The following SAMD5 variants were observed in gnomAD, a reference collection of about 807,000 sequenced individuals.
The protein encoded by SAMD5 is sterile alpha motif domain containing 5.
A neutral mutation model predicts 11.3 loss-of-function variants in SAMD5; 13 were observed. The ratio of observed to expected loss-of-function variants is 1.15; its 90% CI spans 0.75 to 1.83. The LOEUF is 1.83. SAMD5 is among the 40% of genes most tolerant of loss of function. SAMD5 has a pLI of 0.00. For synonymous variants in SAMD5, 129 were observed against 111.3 expected (o/e 1.16, Z -1.00); for missense variants, 255 against 239.1 (o/e 1.07, Z -0.44).
At chr6:147,536,623 G>C (rs1788513559) in intron 1 of SAMD5, among the ~76,000 whole-genome samples, 1 of 151,846 alleles carries the variant, frequency 6.6e-6, no homozygotes, top group African/African-American at 2.4e-5. Context: ...CTTTTGAAAA[G>C]GACCAAAGCA....
intron 1 of SAMD5, among the ~76,000 whole-genome samples, chr6:147,522,371 C>T (rs1788267693): frequency 6.6e-6 from 1 of 152,078 alleles, no homozygotes; most frequent in Non-Finnish European, 1.5e-5. Context: ...AGGAAAACAT[C>T]CTTCTTTTCC....
the SAMD5 span, among the ~76,000 whole-genome samples, chr6:147,898,611 ATAT>A: frequency 2.4e-4 from 37 of 152,320 alleles, no homozygotes; most frequent in African/African-American, 8.7e-4. Flanking sequence ...GACTCAGGAA[ATAT>A]TATCTCCAAG....
chr6:147,644,439 T>C (rs1790366944), intron 1 of SAMD5, among the ~76,000 whole-genome samples: 1 of 152,236 alleles, frequency 6.6e-6, no homozygotes, highest in African/African-American at 2.4e-5. Context: ...ATTCTTATAC[T>C]GTTTTGTGTT....
chr6:147,709,672 C>T (rs368185253), intron 1 of SAMD5, among the ~76,000 whole-genome samples: 16 of 152,130 alleles, frequency 1.1e-4, no homozygotes, highest in African/African-American at 3.6e-4. Context: ...GGTATTCACT[C>T]GTGCTTATAA....
chr6:147,741,264 C>G (rs2282605), downstream of SAMD5, among the ~76,000 whole-genome samples: 1 of 151,842 alleles, frequency 6.6e-6, no homozygotes, highest in Non-Finnish European at 1.5e-5. Context: ...GTCTCCAGAC[C>G]GTGCCAAGTT....
the SAMD5 span, among the ~76,000 whole-genome samples, chr6:147,859,147 C>T: frequency 1.3e-5 from 2 of 152,118 alleles, no homozygotes; most frequent in African/African-American, 4.8e-5. Flanking sequence ...CGGAGATGGG[C>T]ATTCCCCCAG....
intron 1 of SAMD5, among the ~76,000 whole-genome samples, chr6:147,729,525 C>T (rs192496440): frequency 3.3e-5 from 5 of 152,004 alleles, no homozygotes; most frequent in South Asian, 4.2e-4. Context: ...TTATGAATCT[C>T]GAAATCTGGA....
the SAMD5 span, among the ~76,000 whole-genome samples, chr6:147,830,838 C>T: frequency 2.0e-5 from 3 of 152,282 alleles, no homozygotes; most frequent in Admixed American, 6.5e-5. Flanking sequence ...ACCATACTAG[C>T]AGTCACTGGG....
chr6:147,552,969 A>G (rs1788797895), intron 1 of SAMD5, among the ~76,000 whole-genome samples: 1 of 152,234 alleles, frequency 6.6e-6, no homozygotes, highest in South Asian at 2.1e-4. Context: ...TTTTTGTTCT[A>G]AAGATGTGTC....
chr6:147,631,726 A>G (rs1562338318), intron 1 of SAMD5, among the ~76,000 whole-genome samples: 3 of 152,190 alleles, frequency 2.0e-5, no homozygotes, highest in Admixed American at 6.6e-5. Flanking sequence ...TTCCTGACTC[A>G]GGGCATGTGA....
intron 1 of SAMD5, among the ~76,000 whole-genome samples, chr6:147,685,968 A>T (rs11155524): frequency 0.44 from 66,894 of 152,046 alleles, 15,883 homozygotes; most frequent in Admixed American, 0.54. Context: ...TTTTTGTTTC[A>T]TACAATTATA....
At chr6:147,610,103 A>T (rs13218936) in intron 1 of SAMD5, among the ~76,000 whole-genome samples, 13,155 of 152,192 alleles carry the variant, frequency 0.086, 875 homozygotes, top group East Asian at 0.32. Flanking sequence ...CTCACTTATG[A>T]GATACTTTCC....
chr6:147,683,625 G>A (rs954415865), intron 1 of SAMD5, among the ~76,000 whole-genome samples: 3 of 152,068 alleles, frequency 2.0e-5, no homozygotes, highest in South Asian at 2.1e-4. Flanking sequence ...TCCTTGCAAG[G>A]TGCATGGAAG....
At chr6:147,607,076 T>C (rs1314752204) in intron 1 of SAMD5, among the ~76,000 whole-genome samples, 2 of 152,150 alleles carry the variant, frequency 1.3e-5, no homozygotes, top group Admixed American at 6.5e-5. Flanking sequence ...CTTGCAACCA[T>C]GCTGGACATT....
chr6:147,806,307 C>CGT, the SAMD5 span, among the ~76,000 whole-genome samples: 4 of 120,342 alleles, frequency 3.3e-5, no homozygotes, highest in African/African-American at 1.8e-4. Context: ...TGCGCATGCG[C>CGT]GCGCGCGCGC....
At chr6:147,598,046 T>C (rs1006403866) in intron 1 of SAMD5, among the ~76,000 whole-genome samples, 2 of 152,204 alleles carry the variant, frequency 1.3e-5, no homozygotes, top group African/African-American at 4.8e-5. Flanking sequence ...ACACCACTGA[T>C]GCAGTGGAGT....
chr6:147,811,521 G>C, the SAMD5 span, among the ~76,000 whole-genome samples: 15 of 152,118 alleles, frequency 9.9e-5, no homozygotes, highest in African/African-American at 3.6e-4. Context: ...TTTTTCTGCC[G>C]TGCATATGCA....
At chr6:147,592,015 A>C (rs2128447291) in intron 1 of SAMD5, among the ~76,000 whole-genome samples, 1 of 152,178 alleles carries the variant, frequency 6.6e-6, no homozygotes, top group Admixed American at 6.5e-5. Flanking sequence ...TAGTGCTGGA[A>C]AGTAGTAGAG....
At chr6:147,659,666 T>C (rs1790619701) in intron 1 of SAMD5, among the ~76,000 whole-genome samples, 1 of 152,248 alleles carries the variant, frequency 6.6e-6, no homozygotes, top group African/African-American at 2.4e-5. Context: ...TAAATTGCTT[T>C]CATTAAACAA....
Sources: gnomAD v4.1 joint callset for allele counts (sites outside exome capture counted in the v4.1 genomes callset) on GRCh38, gnomAD v4.1.1 for gene constraint, MANE v1.5 for transcripts, NCBI Gene and HGNC (gene_info 2026-07-23, HGNC 2026-07-21) for gene names.